AP2M1: variants seen among roughly 807,000 people sequenced by gnomAD.
AP2M1 encodes AP-2 complex subunit mu.
A neutral mutation model predicts 54.5 loss-of-function variants in AP2M1; 5 were observed. That is an observed-to-expected ratio of 0.09 (90% CI 0.05 to 0.19). The LOEUF is 0.19. AP2M1 is among the 10% of genes least tolerant of loss of function. The probability of loss-of-function intolerance (pLI) is 1.00; values close to 1 mark genes in which losing one functional copy is unlikely to be tolerated. For missense variants in AP2M1, 178 were observed against 580.2 expected, an observed-to-expected ratio of 0.31 and a Z score of 7.12; for synonymous variants, 186 against 208.2, an observed-to-expected ratio of 0.89 and a Z score of 0.92.
chr3:184,176,826 A>AG (rs1715088704), intron 1 of AP2M1, 125 bp from the exon 2 acceptor site: 2 of 571,820 alleles, frequency 3.5e-6, no homozygotes, highest in Non-Finnish European at 3.0e-6. Context: ...CATGTCTGGG[A>AG]GGGCTGCAGG....
chr3:184,179,662 C>CTTTTTT (rs368749437), intron 3 of AP2M1, among the ~76,000 whole-genome samples: 1 of 135,104 alleles, frequency 7.4e-6, no homozygotes, highest in African/African-American at 2.8e-5. Flanking sequence ...GATTTCTTTT[C>CTTTTTT]TTTTTTTTTT....
In AP2M1 at chr3:184,184,084, AG is replaced by A; in HGVS notation, c.*469del. On this transcript the variant is annotated 3_prime_UTR_variant, in exon 12 of 12. Transcript: ENST00000292807. ...CAGTTACAAACCCAATAAACTCTGT[AG>A]AGTGGAGTTGCTGGCTTAGTGTTGA... 5.9e-6 allele frequency: 1 copy of A among 168,110 alleles called. No individual in the cohort carries two copies. Among genetic ancestry groups the A allele is most frequent in the South Asian group, 1.5e-4 (1 of 6,790 alleles). 10.4% of individuals were successfully genotyped at this position (168,110 alleles called of 1,614,324 possible).
intron 1 of AP2M1, chr3:184,176,729 T>G: frequency 4.2e-6 from 2 of 479,126 alleles, no homozygotes; most frequent in East Asian, 3.4e-5. Flanking sequence ...CAAAATGGCC[T>G]TAGAATCCTG....
In AP2M1 at chr3:184,178,274, C is replaced by A. The variant is rs1468068266; in HGVS notation, c.75-583C>A. 6.5e-6 allele frequency: 10 copies of A among 1,528,860 alleles called. No homozygotes were observed. In the South Asian group the frequency reaches 7.1e-5, roughly 11 times the overall value. The allele number at this position is 1,528,860 out of a possible 1,614,324, so 94.7% of individuals were successfully genotyped here. On this transcript the variant is annotated intron_variant, in intron 2 of 11. Transcript: ENST00000292807. This position sits in a 1 kb window ranked among gnomAD's most constrained non-coding sequence, Gnocchi z 4.9. ...CAGGTACAGGTGGGTGGGGGCCTGC[C>A]CCCATCGTTTTCCTGCATCCTTTTT...
Position 184,181,081 on chromosome 3 carries a change from C to T in AP2M1, c.566-4C>T. Reference sequence around the variant, plus strand: ...TGCTCCCCATTTATCTGTTCCATCACCAGGGCAGGTGCTGAGTGCCCATGT... The same window carrying T: ...TGCTCCCCATTTATCTGTTCCATCATCAGGGCAGGTGCTGAGTGCCCATGT... On this transcript the variant is annotated splice_polypyrimidine_tract_variant and splice_region_variant and intron_variant, in intron 6 of 11. Transcript: ENST00000292807. The surrounding 1 kb of genome is among the most constrained non-coding windows in gnomAD (Gnocchi z 5.7). 2 of 1,614,140 alleles carry T rather than the reference C, an allele frequency of 1.2e-6. No individual in the cohort carries two copies. Among genetic ancestry groups the T allele is most frequent in the Non-Finnish European group, 1.7e-6 (2 of 1,180,040 alleles).
In AP2M1 at chr3:184,181,208, C is replaced by A. The variant is rs768293750; in HGVS notation, c.689C>A (p.Ala230Asp). 1 of 1,614,086 alleles carries A rather than the reference C, an allele frequency of 6.2e-7. No individual in the cohort carries two copies. Among genetic ancestry groups the A allele is most frequent in the Non-Finnish European group, 8.5e-7 (1 of 1,180,030 alleles). Residue 230 changes from alanine (A) to aspartate (D), a missense_variant, in exon 7 of 12, where the codon GCT becomes GAT. By Grantham distance (126) the Ala-to-Asp change is moderately radical. Transcript: ENST00000292807. The surrounding 1 kb of genome is among the most constrained non-coding windows in gnomAD (Gnocchi z 5.7). The stretch of plus-strand genomic sequence containing the variant: ...ATTGAAAAGCAGGGCAAAGGCACAG[C>A]TGATGAAACAAGCAAGAGGTGCCTG... ...IVIEKQGKGT[A>D]DETSKSGKQS...
chr3:184,179,341 G>C (rs562220714), intron 3 of AP2M1: 37 of 590,570 alleles, frequency 6.3e-5, no homozygotes, highest in Non-Finnish European at 9.9e-5. Flanking sequence ...TAGGCCAGCA[G>C]GTGATCTTCC....
Position 184,181,179 on chromosome 3 carries a change from T to C in AP2M1, c.660T>C (p.Ile220=). 6.2e-7 allele frequency: 1 copy of C among 1,614,070 alleles called. No homozygotes were observed. The highest frequency in any genetic ancestry group is 8.5e-7 in the Non-Finnish European group (1 of 1,180,016). ...PECKFGMNDK[I]VIEKQGKGTA... ...GCAAGTTTGGGATGAATGACAAGAT[T>C]GTTATTGAAAAGCAGGGCAAAGGCA... Residue 220 remains isoleucine (I), a synonymous_variant, in exon 7 of 12, where the codon ATT becomes ATC. Coordinates refer to ENST00000292807, the MANE Select transcript of AP2M1 (RefSeq NM_004068.4). The surrounding 1 kb of genome is among the most constrained non-coding windows in gnomAD (Gnocchi z 5.7).
rs754212923 is a variant in AP2M1 at position 184,181,729 on chromosome 3, C to G, written c.741C>G (p.Thr247=). The change falls in exon 8 of 12, where the codon ACC becomes ACG. Residue 247 remains threonine (T), a synonymous_variant. Transcript: ENST00000292807. This position sits in a 1 kb window ranked among gnomAD's most constrained non-coding sequence, Gnocchi z 5.7. ...GKQSIAIDDC[T]FHQCVRLSKF... ...AATCAATTGCCATTGATGACTGCAC[C>G]TTCCACCAGTGTGTGCGACTCAGCA... 6 of 1,614,030 alleles carry G rather than the reference C, an allele frequency of 3.7e-6. No individual in the cohort carries two copies. In the Admixed American group the frequency reaches 5.0e-5, roughly 13 times the overall value.
rs1039088252 is a variant in AP2M1, at chr3:184,174,889, C to T, written c.-114C>T. On this transcript the variant is annotated 5_prime_UTR_variant, in exon 1 of 12. Coordinates refer to ENST00000292807, the MANE Select transcript of AP2M1 (RefSeq NM_004068.4). Reference sequence around the variant, plus strand: ...AAAGCCGAGGCAGCGGGCAGACGAGCAGGGGGCGGGCGGACATCTTGGGAT... The same window carrying T: ...AAAGCCGAGGCAGCGGGCAGACGAGTAGGGGGCGGGCGGACATCTTGGGAT... The T allele has an allele frequency of 5.0e-6, 2 of 398,366 alleles. No homozygotes were observed. Among genetic ancestry groups the T allele is most frequent in the Admixed American group, 4.4e-5 (1 of 22,696 alleles). The allele number at this position is 398,366 out of a possible 1,614,324, so 24.7% of individuals were successfully genotyped here.
rs775327824 is a variant in AP2M1, at chr3:184,179,004, C to T, written c.222C>T (p.Asn74=). The part of the protein sequence containing the change: ...WLAAVTKQNV[N]AAMVFEFLYK... The stretch of plus-strand genomic sequence containing the variant: ...CAGCAGTCACCAAGCAGAATGTCAA[C>T]GCTGCCATGGTCTTCGAATTCCTCT... Residue 74 remains asparagine (N), a synonymous_variant, in exon 3 of 12, where the codon AAC becomes AAT. Transcript: ENST00000292807. The T allele has an allele frequency of 1.4e-5, 22 of 1,614,104 alleles. No homozygotes were observed. Among genetic ancestry groups the T allele is most frequent in the East Asian group, 6.7e-5 (3 of 44,898 alleles).
chr3:184,183,717 T>C lies in AP2M1; in HGVS notation c.*101T>C. ...ACATCAGTGTCTCCTCCCTCCTGCT[T>C]TGCTGCCTTCCCTTTGCACCAGCCC... On this transcript the variant is annotated 3_prime_UTR_variant, in exon 12 of 12. Transcript: ENST00000292807. This position sits in a 1 kb window ranked among gnomAD's most constrained non-coding sequence, Gnocchi z 5.7. 1 of 1,376,504 alleles carries C rather than the reference T, an allele frequency of 7.3e-7. No individual in the cohort carries two copies. Among genetic ancestry groups the C allele is most frequent in the Non-Finnish European group, 1.0e-6 (1 of 1,001,000 alleles). The allele number at this position is 1,376,504 out of a possible 1,614,324, so 85.3% of individuals were successfully genotyped here.
At chr3:184,179,736 C>G (rs1368343852) in intron 3 of AP2M1, among the ~76,000 whole-genome samples, 1 of 147,606 alleles carries the variant, frequency 6.8e-6, no homozygotes, top group Non-Finnish European at 1.5e-5. Flanking sequence ...TTGCAGCTTA[C>G]TGAAGCCTCG....
At position 184,182,431 on chromosome 3, in the gene AP2M1, C is replaced by A. The variant is rs1175147103; in HGVS notation, c.1061+183C>A. ...GTATGTACACGCCTGCATTTGGGTT[C>A]ATGCACGTGCTTATTTTTTAAGATG... On this transcript the variant is annotated intron_variant, in intron 10 of 11. Coordinates refer to ENST00000292807, the MANE Select transcript of AP2M1 (RefSeq NM_004068.4). The surrounding 1 kb of genome is among the most constrained non-coding windows in gnomAD (Gnocchi z 5.5). The A allele has an allele frequency of 1.6e-6, 1 of 639,208 alleles. No homozygotes were observed. Among genetic ancestry groups the A allele is most frequent in the African/African-American group, 1.8e-5 (1 of 54,564 alleles). 39.6% of individuals were successfully genotyped at this position (639,208 alleles called of 1,614,324 possible). A position where few individuals can be genotyped will look rare whatever the true frequency, so the allele number is the denominator to read the frequency against.
Position 184,183,739 on chromosome 3 carries a change from GC to G in AP2M1, c.*126del. On this transcript the variant is annotated 3_prime_UTR_variant, in exon 12 of 12. Coordinates refer to ENST00000292807, the MANE Select transcript of AP2M1 (RefSeq NM_004068.4). This position sits in a 1 kb window ranked among gnomAD's most constrained non-coding sequence, Gnocchi z 5.7. ...GCTTTGCTGCCTTCCCTTTGCACCA[GC>G]CCGAGTCTAGGTCTGGGCCAAGCAC... is the stretch of plus-strand genomic sequence containing the variant. 8.3e-7 allele frequency: 1 copy of G among 1,211,940 alleles called. No homozygotes were observed. Among genetic ancestry groups the G allele is most frequent in the Non-Finnish European group, 1.2e-6 (1 of 869,258 alleles). 75.1% of individuals were successfully genotyped at this position (1,211,940 alleles called of 1,614,324 possible). A position where few individuals can be genotyped will look rare whatever the true frequency, so the allele number is the denominator to read the frequency against.
rs1715163238 is a variant in AP2M1, at chr3:184,178,520, G to C, written c.75-337G>C. 6.6e-6 allele frequency among the ~76,000 whole-genome samples: 1 copy of C among 152,370 alleles called. No individual in the cohort carries two copies. The highest frequency in any genetic ancestry group is 2.1e-4 in the South Asian group (1 of 4,830). On this transcript the variant is annotated intron_variant, in intron 2 of 11. Transcript: ENST00000292807. This position sits in a 1 kb window ranked among gnomAD's most constrained non-coding sequence, Gnocchi z 4.9. Reference sequence around the variant, plus strand: ...GACCTGGGAGCTTACAGGGAAGCTAGATAAAGCTGGGAAATTAGGGCCAGC... The same window carrying C: ...GACCTGGGAGCTTACAGGGAAGCTACATAAAGCTGGGAAATTAGGGCCAGC...
chr3:184,178,940 C>T lies in AP2M1; in HGVS notation c.158C>T (p.Thr53Ile). ...AGCCCCGTCACCAACATTGCTCGCA[C>T]CAGCTTCTTCCACGTTAAGCGGTCC... ...VRSPVTNIAR[T>I]SFFHVKRSNI... Residue 53 changes from threonine to isoleucine, a missense_variant, in exon 3 of 12, where the codon ACC becomes ATC. Thr to Ile is a moderately conservative substitution (Grantham distance 89). Around this residue, in one of 5 missense-constraint regions of AP2M1, gnomAD observed 115 missense variants for 331.2 expected, o/e 0.35. Transcript: ENST00000292807. This position sits in a 1 kb window ranked among gnomAD's most constrained non-coding sequence, Gnocchi z 4.9. The T allele has an allele frequency of 6.2e-7, 1 of 1,614,216 alleles. No homozygotes were observed. The highest frequency in any genetic ancestry group is 8.5e-7 in the Non-Finnish European group (1 of 1,180,036).
At position 184,182,377 on chromosome 3, in the gene AP2M1, G is replaced by T; in HGVS notation, c.1061+129G>T. On this transcript the variant is annotated intron_variant, in intron 10 of 11. Transcript: ENST00000292807. The surrounding 1 kb of genome is among the most constrained non-coding windows in gnomAD (Gnocchi z 5.5). ...TTTGCTTTTCTAGGAGCCTCTGCTT[G>T]TACTGTCAGTCTTTATACCTCCATG... 3 of 980,662 alleles carry T rather than the reference G, an allele frequency of 3.1e-6. No homozygotes were observed. The highest frequency in any genetic ancestry group is 1.6e-5 in the South Asian group (1 of 60,640). The allele number at this position is 980,662 out of a possible 1,614,324, so 60.7% of individuals were successfully genotyped here. A position where few individuals can be genotyped will look rare whatever the true frequency, so the allele number is the denominator to read the frequency against.
Position 184,183,690 on chromosome 3 carries a change from A to G in AP2M1, c.*74A>G, listed in dbSNP as rs1715348178. ...TCCAGGTGCCGCTCCCTCCCCCACC[A>G]CACATCAGTGTCTCCTCCCTCCTGC... On this transcript the variant is annotated 3_prime_UTR_variant, in exon 12 of 12. Coordinates refer to ENST00000292807, the MANE Select transcript of AP2M1 (RefSeq NM_004068.4). This position sits in a 1 kb window ranked among gnomAD's most constrained non-coding sequence, Gnocchi z 5.7. The G allele has an allele frequency of 1.3e-6, 2 of 1,514,318 alleles. No individual in the cohort carries two copies. Among genetic ancestry groups the G allele is most frequent in the Non-Finnish European group, 9.0e-7 (1 of 1,105,966 alleles). The allele number at this position is 1,514,318 out of a possible 1,614,324, so 93.8% of individuals were successfully genotyped here. A position where few individuals can be genotyped will look rare whatever the true frequency, so the allele number is the denominator to read the frequency against.
Sources: gnomAD v4.1 joint callset for allele counts (sites outside exome capture counted in the v4.1 genomes callset) on GRCh38, gnomAD v4.1.1 for gene constraint, gnomAD v4.1.1 regional missense constraint, Gnocchi (gnomAD v3.1) non-coding constraint, MANE v1.5 for transcripts, NCBI Gene and HGNC (gene_info 2026-07-23, HGNC 2026-07-21) for gene names.